Variants in PIK3CB observed in about 807,000 individuals in gnomAD.
PIK3CB encodes phosphatidylinositol-4,5-bisphosphate 3-kinase catalytic subunit beta, also known as phosphatidylinositol 4,5-bisphosphate 3-kinase catalytic subunit beta isoform.
A neutral mutation model predicts 136.8 loss-of-function variants in PIK3CB; 39 were observed. The ratio of observed to expected loss-of-function variants is 0.29; its 90% CI spans 0.22 to 0.37. PIK3CB has a LOEUF of 0.37. PIK3CB is among the 10% of genes least tolerant of loss of function. PIK3CB has a pLI of 1.00. For synonymous variants in PIK3CB, 428 were observed against 436.6 expected (o/e 0.98, Z 0.25); for missense variants, 868 against 1,275.4 (o/e 0.68, Z 4.87).
chr3:138,684,697 T>A lies in PIK3CB; in HGVS notation c.2243A>T (p.Gln748Leu), dbSNP rs1400641892. Residue 748 changes from glutamine to leucine, a missense_variant, in exon 17 of 24, where the codon CAG becomes CTG. Around this residue, in one of 4 missense-constraint regions of PIK3CB, gnomAD observed 165 missense variants for 295.4 expected, o/e 0.56. Transcript: ENST00000674063. Reference sequence around the variant, plus strand: ...AGAGAGGGCTTCCCGGTAAGCACTCTGTTTTAAACAGGTATGCATGGCCTC... The same window carrying A: ...AGAGAGGGCTTCCCGGTAAGCACTCAGTTTTAAACAGGTATGCATGGCCTC... Reference protein sequence around the residue: ...GKEAMHTCLKQSAYREALSDL... With the variant: ...GKEAMHTCLKLSAYREALSDL... 1 of 1,614,006 alleles carries A rather than the reference T, an allele frequency of 6.2e-7. No individual in the cohort carries two copies. Among genetic ancestry groups the A allele is most frequent in the Admixed American group, 1.7e-5 (1 of 60,010 alleles).
intron 1 of PIK3CB, among the ~76,000 whole-genome samples, chr3:138,807,808 G>A (rs941302467): frequency 2.6e-5 from 4 of 151,716 alleles, no homozygotes; most frequent in South Asian, 4.2e-4. Flanking sequence ...TGGAAGGATC[G>A]CTTTTGAGCT....
At chr3:138,656,078 C>T (rs1483832351) in intron 23 of PIK3CB, 64 bp downstream of exon 23, 3 of 1,534,906 alleles carry the variant, frequency 2.0e-6, no homozygotes, top group Admixed American at 1.8e-5. Context: ...TTGAATAAAA[C>T]AGGCAGCTAA....
intron 22 of PIK3CB, among the ~76,000 whole-genome samples, chr3:138,656,972 T>C (rs1243369309): frequency 1.3e-5 from 2 of 152,162 alleles, no homozygotes; most frequent in African/African-American, 4.8e-5. Context: ...TTCACCATGT[T>C]GGTCAGGCTG....
intron 8 of PIK3CB, among the ~76,000 whole-genome samples, chr3:138,722,177 T>C (rs2044740642): frequency 6.6e-6 from 1 of 151,350 alleles, no homozygotes; most frequent in Non-Finnish European, 1.5e-5. Context: ...ATCCTCTATT[T>C]TTTTTAAAGT....
intron 6 of PIK3CB, among the ~76,000 whole-genome samples, chr3:138,735,459 A>G (rs1222368648): frequency 6.6e-6 from 1 of 152,164 alleles, no homozygotes; most frequent in Non-Finnish European, 1.5e-5. Context: ...GTCTAACACT[A>G]AAGTCATACT....
At chr3:138,767,340 A>G (rs1241074074) in intron 2 of PIK3CB, among the ~76,000 whole-genome samples, 1 of 152,224 alleles carries the variant, frequency 6.6e-6, no homozygotes, top group Non-Finnish European at 1.5e-5. Flanking sequence ...CACTTCCCTC[A>G]ATCACTGTGC....
At chr3:138,757,335 C>A (rs918388785) in intron 3 of PIK3CB, among the ~76,000 whole-genome samples, 2 of 151,726 alleles carry the variant, frequency 1.3e-5, no homozygotes, top group Admixed American at 1.3e-4. Flanking sequence ...ACCCAGGAGG[C>A]GGAGGTTGCA....
intron 8 of PIK3CB, among the ~76,000 whole-genome samples, chr3:138,717,309 T>C (rs1300687314): frequency 6.6e-6 from 1 of 152,126 alleles, no homozygotes; most frequent in Non-Finnish European, 1.5e-5. Flanking sequence ...TATTGGTGAT[T>C]GTTGTCTCCT....
chr3:138,811,400 G>C (rs1389362636), intron 1 of PIK3CB, among the ~76,000 whole-genome samples: 1 of 151,528 alleles, frequency 6.6e-6, no homozygotes, highest in Non-Finnish European at 1.5e-5. Flanking sequence ...TCTAAATGTG[G>C]TAACTATACT....
intron 22 of PIK3CB, 54 bp downstream of exon 22, chr3:138,657,636 G>A: frequency 6.7e-7 from 1 of 1,489,812 alleles, no homozygotes; most frequent in Non-Finnish European, 9.3e-7. Flanking sequence ...GGTCCACCTG[G>A]TCAGATAAGA....
At chr3:138,736,124 A>G (rs2045098294) in intron 6 of PIK3CB, among the ~76,000 whole-genome samples, 1 of 152,202 alleles carries the variant, frequency 6.6e-6, no homozygotes, top group South Asian at 2.1e-4. Context: ...AAGAAACAGA[A>G]ATCTACTTGA....
chr3:138,670,767 G>T (rs886715649), intron 19 of PIK3CB, among the ~76,000 whole-genome samples: 1 of 152,126 alleles, frequency 6.6e-6, no homozygotes, highest in South Asian at 2.1e-4. Flanking sequence ...TTACACAGCT[G>T]CATTAGAAAT....
intron 4 of PIK3CB, among the ~76,000 whole-genome samples, chr3:138,745,158 T>G (rs1026542467): frequency 2.6e-5 from 4 of 152,208 alleles, no homozygotes; most frequent in African/African-American, 9.6e-5. Context: ...CCAGGTTCTC[T>G]TTCATAGAGT....
At chr3:138,703,497 C>T (rs935590926) in intron 12 of PIK3CB, among the ~76,000 whole-genome samples, 6 of 150,664 alleles carry the variant, frequency 4.0e-5, no homozygotes, top group African/African-American at 1.5e-4. Flanking sequence ...TCAACAAAGT[C>T]AAACTAGAAA....
chr3:138,683,372 A>G (rs1042676856), intron 18 of PIK3CB, among the ~76,000 whole-genome samples: 4 of 151,402 alleles, frequency 2.6e-5, no homozygotes, highest in Non-Finnish European at 4.4e-5. Flanking sequence ...AAAAAAAAGT[A>G]AAAATAATAT....
intron 8 of PIK3CB, among the ~76,000 whole-genome samples, chr3:138,723,497 G>A (rs2044775990): frequency 6.6e-6 from 1 of 152,134 alleles, no homozygotes. Flanking sequence ...CCTGTGGTGA[G>A]CCAAGACGTG....
intron 2 of PIK3CB, among the ~76,000 whole-genome samples, chr3:138,769,860 G>A (rs1038912898): frequency 5.3e-5 from 8 of 152,240 alleles, no homozygotes; most frequent in South Asian, 2.1e-4. Context: ...AGGTATCTTA[G>A]GAGTTACAGA....
At position 138,740,078 on chromosome 3, in the gene PIK3CB, C is replaced by A. The variant is rs113808238; in HGVS notation, c.622-2192G>T. 2.6e-5 allele frequency among the ~76,000 whole-genome samples: 4 copies of A among 151,946 alleles called. No homozygotes were observed. The East Asian group carries it at 7.8e-4, about 30-fold the overall frequency. On this transcript the variant is annotated intron_variant, in intron 5 of 23. Transcript: ENST00000674063. ...AGCTTCCAGAATTGTGAGAAACAGG[C>A]CAGGTGCAGTGGCTCACACCTGTAA...
At chr3:138,795,309 G>A (rs1473409179) in intron 2 of PIK3CB, among the ~76,000 whole-genome samples, 2 of 132,018 alleles carry the variant, frequency 1.5e-5, no homozygotes, top group South Asian at 2.7e-4. Flanking sequence ...GACAGAGCAT[G>A]AGACTCTGTC....
Sources: gnomAD v4.1 joint callset for allele counts (sites outside exome capture counted in the v4.1 genomes callset) on GRCh38, gnomAD v4.1.1 for gene constraint, gnomAD v4.1.1 regional missense constraint, MANE v1.5 for transcripts, NCBI Gene and HGNC (gene_info 2026-07-23, HGNC 2026-07-21) for gene names.